The following COPA variants were observed in gnomAD, a reference collection of about 807,000 sequenced individuals.
The protein encoded by COPA is coatomer subunit alpha.
A neutral mutation model predicts 158.7 loss-of-function variants in COPA; 10 were observed. The ratio of observed to expected loss-of-function variants is 0.06; its 90% CI spans 0.04 to 0.11. The LOEUF (loss-of-function observed/expected upper bound fraction) is 0.11. COPA is among the 10% of genes least tolerant of loss of function. COPA has a pLI of 1.00. For missense variants in COPA, 1,065 were observed against 1,536.7 expected, an observed-to-expected ratio of 0.69 and a Z score of 5.13; for synonymous variants, 462 against 542.8, an observed-to-expected ratio of 0.85 and a Z score of 2.07.
intron 31 of COPA, 88 bp downstream of exon 31, chr1:160,291,247 T>C (rs1004270882): frequency 1.4e-6 from 2 of 1,420,540 alleles, no homozygotes; most frequent in African/African-American, 2.9e-5. Context: ...TATTTATTGC[T>C]TTGTTTCAGA....
intron 6 of COPA, among the ~76,000 whole-genome samples, chr1:160,327,726 T>C (rs1002589690): frequency 8.7e-5 from 13 of 149,798 alleles, no homozygotes; most frequent in Non-Finnish European, 1.5e-4. Context: ...GGTGTGGTGG[T>C]GCATGCCTGT....
chr1:160,315,049 T>G (rs1353819868), intron 8 of COPA, among the ~76,000 whole-genome samples: 22 of 152,244 alleles, frequency 1.4e-4, no homozygotes, highest in Non-Finnish European at 7.4e-5. Flanking sequence ...GTGCTGAGAT[T>G]TTCATCAGCA....
At chr1:160,311,175 T>C (rs1658953826) in intron 11 of COPA, among the ~76,000 whole-genome samples, 1 of 151,974 alleles carries the variant, frequency 6.6e-6, no homozygotes, top group Admixed American at 6.6e-5. Context: ...GTGCGGTGGC[T>C]CACGCCTGCA....
chr1:160,318,566 T>A, intron 8 of COPA, among the ~76,000 whole-genome samples: 1 of 144,680 alleles, frequency 6.9e-6, no homozygotes, highest in East Asian at 2.0e-4. Context: ...TAAAATTAAG[T>A]TCATAGACAA....
intron 19 of COPA, 61 bp from the exon 20 acceptor site, chr1:160,297,806 C>G (rs1003004245): frequency 2.6e-6 from 4 of 1,523,510 alleles, no homozygotes; most frequent in Non-Finnish European, 3.6e-6. Flanking sequence ...AAACCAAGGA[C>G]TCTGCAAAGC....
rs760894494 is a variant in COPA at position 160,290,649 on chromosome 1, G to A, written c.3458C>T (p.Thr1153Ile). The A allele has an allele frequency of 1.5e-5, 25 of 1,614,174 alleles. No homozygotes were observed. The highest frequency in any genetic ancestry group is 2.1e-5 in the Non-Finnish European group (25 of 1,180,028). The change falls in exon 32 of 33, where the codon ACA (threonine) becomes ATA (isoleucine). Residue 1153 changes from threonine to isoleucine, a missense_variant. Physicochemically the swap from Thr to Ile is moderately conservative, Grantham distance 89. Coordinates refer to ENST00000241704, the MANE Select transcript of COPA (RefSeq NM_004371.4). ...KILSACEKNP[T>I]DAYQLNYDMH... The stretch of plus-strand genomic sequence containing the variant: ...GTCATAATTGAGCTGGTAGGCATCT[G>A]TGGGATTCTTCTCACAGGCAGACAG...
In COPA at chr1:160,305,710, A is replaced by G. The variant is rs1271920105; in HGVS notation, c.1506T>C (p.His502=). 6.2e-7 allele frequency: 1 copy of G among 1,614,180 alleles called. No homozygotes were observed. Among genetic ancestry groups the G allele is most frequent in the Non-Finnish European group, 8.5e-7 (1 of 1,180,020 alleles). ...CACCGTGTTTGGCTAGTAGTGCTAC[A>G]TGTGACATGTCTGCTGACCAGATAA... ...KYVIWSADMS[H]VALLAKHAIV... Residue 502 remains histidine, a synonymous_variant, in exon 16 of 33, where the codon CAT becomes CAC. Transcript: ENST00000241704.
chr1:160,291,934 A>G lies in COPA; in HGVS notation c.3148-5T>C. 1.2e-6 allele frequency: 2 copies of G among 1,614,164 alleles called. No homozygotes were observed. Among genetic ancestry groups the G allele is most frequent in the African/African-American group, 1.3e-5 (1 of 75,030 alleles). ...AATGGTGATGAGCTGCTGGGCCTGT[A>G]GAGGGGGCAGAAGGTCAGGATACAG... On this transcript the variant is annotated splice_polypyrimidine_tract_variant and splice_region_variant and intron_variant, in intron 29 of 32. Coordinates refer to ENST00000241704, the MANE Select transcript of COPA (RefSeq NM_004371.4).
intron 3 of COPA, among the ~76,000 whole-genome samples, chr1:160,338,952 G>A (rs534196962): frequency 6.6e-6 from 1 of 152,222 alleles, no homozygotes; most frequent in Non-Finnish European, 1.5e-5. Flanking sequence ...ACCTCAACTA[G>A]ACTGTCCCTT....
In COPA at chr1:160,292,194, C is replaced by T. The variant is rs1279476417; in HGVS notation, c.2965G>A (p.Asp989Asn). Residue 989 changes from aspartate (D) to asparagine (N), a missense_variant, in exon 29 of 33, where the codon GAT becomes AAT. This residue lies in a region of COPA where 980 missense variants were observed against 1,357.8 expected (regional missense o/e 0.72). Coordinates refer to ENST00000241704, the MANE Select transcript of COPA (RefSeq NM_004371.4). The part of the protein sequence containing the change: ...MYGYPNRNWK[D>N]AGLKNGVPAV... ...GGTACACCATTCTTCAGCCCTGCAT[C>T]CTTCCTGGAAAGGGAAAAGTAGGAA... The T allele has an allele frequency of 6.2e-7, 1 of 1,610,096 alleles. No homozygotes were observed. Among genetic ancestry groups the T allele is most frequent in the Non-Finnish European group, 8.5e-7 (1 of 1,177,782 alleles).
chr1:160,292,911 C>G (rs1216645356), intron 27 of COPA, among the ~76,000 whole-genome samples: 1 of 152,150 alleles, frequency 6.6e-6, no homozygotes, highest in Non-Finnish European at 1.5e-5. Flanking sequence ...GGGTACTTAT[C>G]TCACTGATAT....
intron 8 of COPA, among the ~76,000 whole-genome samples, chr1:160,320,756 C>A (rs2101856659): frequency 1.8e-5 from 2 of 110,864 alleles, no homozygotes; most frequent in African/African-American, 3.3e-5. Context: ...TTCTACCAAA[C>A]ATTTAAAGAA....
At chr1:160,327,905 T>A (rs1202089929) in intron 6 of COPA, among the ~76,000 whole-genome samples, 1 of 152,212 alleles carries the variant, frequency 6.6e-6, no homozygotes, top group African/African-American at 2.4e-5. Context: ...AACTTTGCCA[T>A]CTGTAGGAAA....
chr1:160,335,591 G>A (rs143669909), intron 3 of COPA, among the ~76,000 whole-genome samples: 1 of 152,152 alleles, frequency 6.6e-6, no homozygotes, highest in African/African-American at 2.4e-5. Context: ...TAAAATTATT[G>A]AAGTTTTTCA....
Position 160,332,572 on chromosome 1 carries a change from A to G in COPA, c.387-15T>C. ...CTGTTAACACACTGCAAGAAAAAAAAAAGACAATACCAAATTAGAGGTGGA... is the reference window on the plus strand; with the variant it reads ...CTGTTAACACACTGCAAGAAAAAAAGAAGACAATACCAAATTAGAGGTGGA... On this transcript the variant is annotated splice_polypyrimidine_tract_variant and intron_variant, in intron 5 of 32. Transcript: ENST00000241704. The G allele has an allele frequency of 6.4e-7, 1 of 1,567,846 alleles. No homozygotes were observed. The highest frequency in any genetic ancestry group is 8.7e-7 in the Non-Finnish European group (1 of 1,153,318).
intron 4 of COPA, among the ~76,000 whole-genome samples, chr1:160,333,932 G>C (rs1008041436): frequency 1.3e-5 from 2 of 151,368 alleles, no homozygotes; most frequent in South Asian, 4.2e-4. Flanking sequence ...CTCAGAGGCA[G>C]ATAGTGAAAC....
At chr1:160,343,101 C>T (rs149203875) in intron 1 of COPA, 30 bp downstream of exon 1, 1 of 1,614,096 alleles carries the variant, frequency 6.2e-7, no homozygotes, top group Non-Finnish European at 8.5e-7. Context: ...GACATCCAAC[C>T]TCCATGTTCC....
chr1:160,307,007 G>A (rs1658808920), intron 14 of COPA, among the ~76,000 whole-genome samples, 156 bp downstream of exon 14: 1 of 152,198 alleles, frequency 6.6e-6, no homozygotes, highest in Admixed American at 6.5e-5. Flanking sequence ...TCCCCCAAGA[G>A]GGCTTAGTGT....
intron 19 of COPA, 118 bp from the exon 20 acceptor site, chr1:160,297,863 T>C (rs1658464667): frequency 1.8e-6 from 2 of 1,082,182 alleles, no homozygotes; most frequent in African/African-American, 1.6e-5. Flanking sequence ...TACTTTCAAT[T>C]ACTCCTAGCT....
Sources: allele counts gnomAD v4.1 joint callset (sites outside exome capture counted in the v4.1 genomes callset), GRCh38; gene constraint gnomAD v4.1.1; regional missense constraint gnomAD v4.1.1; transcripts MANE v1.5; gene names NCBI Gene and HGNC (gene_info 2026-07-23, HGNC 2026-07-21).